The following SLC2A13 variants were observed in gnomAD, a reference collection of about 807,000 sequenced individuals.
SLC2A13 encodes proton myo-inositol cotransporter.
In SLC2A13, 32 loss-of-function variants were observed where a neutral mutation model predicts 64.4. The observed-to-expected ratio is 0.50, with a 90% confidence interval of 0.37 to 0.67. The LOEUF (loss-of-function observed/expected upper bound fraction) is 0.67, where lower values mean the gene tolerates loss of function less well. Ranked by LOEUF, SLC2A13 falls within the 30% of genes least tolerant of loss-of-function variation. SLC2A13 has a pLI of 0.00. For synonymous variants in SLC2A13, 338 were observed against 327.1 expected (o/e 1.03, Z -0.36); for missense variants, 743 against 829.2 (o/e 0.90, Z 1.28).
chr12:39,991,057 G>T (rs1210501020), intron 3 of SLC2A13, among the ~76,000 whole-genome samples: 1 of 152,158 alleles, frequency 6.6e-6, no homozygotes, highest in Non-Finnish European at 1.5e-5. Flanking sequence ...CTGGTCCACA[G>T]AGAAGTTTCC....
intron 7 of SLC2A13, among the ~76,000 whole-genome samples, chr12:39,772,497 ATTTG>A (rs1337757150): frequency 6.6e-6 from 1 of 152,074 alleles, no homozygotes; most frequent in African/African-American, 2.4e-5. Context: ...TTACATTTGC[ATTTG>A]TTTAATTGTG....
intron 3 of SLC2A13, among the ~76,000 whole-genome samples, chr12:40,015,047 G>A (rs1364243819): frequency 1.3e-5 from 2 of 152,018 alleles, no homozygotes; most frequent in East Asian, 1.9e-4. Context: ...AATGAAGTAT[G>A]TGAAAGAATT....
chr12:39,892,907 T>C (rs990860504), intron 4 of SLC2A13, among the ~76,000 whole-genome samples: 34 of 152,298 alleles, frequency 2.2e-4, no homozygotes, highest in African/African-American at 7.9e-4. Context: ...AACACTGTCA[T>C]GTTAGCAAAG....
intron 3 of SLC2A13, among the ~76,000 whole-genome samples, chr12:40,027,463 A>G (rs1947833073): frequency 6.6e-6 from 1 of 152,230 alleles, no homozygotes; most frequent in Non-Finnish European, 1.5e-5. Context: ...CAGCTTCTTC[A>G]GAGTGTTCAT....
chr12:40,061,822 A>G (rs1044410956), intron 1 of SLC2A13, among the ~76,000 whole-genome samples: 10 of 152,082 alleles, frequency 6.6e-5, no homozygotes, highest in Non-Finnish European at 1.5e-4. Context: ...AAAAAAAAAA[A>G]GGAAATTTAA....
At chr12:39,773,970 A>C (rs933367830) in intron 7 of SLC2A13, among the ~76,000 whole-genome samples, 1 of 152,150 alleles carries the variant, frequency 6.6e-6, no homozygotes, top group Admixed American at 6.5e-5. Flanking sequence ...GCACGATTTT[A>C]TTTCCAGTTC....
chr12:39,798,324 G>A lies in SLC2A13; in HGVS notation c.1445+31779C>T, dbSNP rs111499232. Reference sequence around the variant, plus strand: ...CCTGGATTTGTGACCCAGAGAAACTGAGTGAGACATAAATGTTCATTGTTT... The same window carrying A: ...CCTGGATTTGTGACCCAGAGAAACTAAGTGAGACATAAATGTTCATTGTTT... On this transcript the variant is annotated intron_variant, in intron 7 of 9. Coordinates refer to ENST00000280871, the MANE Select transcript of SLC2A13 (RefSeq NM_052885.4). 6.8e-4 allele frequency among the ~76,000 whole-genome samples: 103 copies of A among 152,290 alleles called. 1 individual carries two copies. The highest frequency in any genetic ancestry group is 2.3e-3 in the African/African-American group (95 of 41,574).
At chr12:40,071,421 A>G (rs903328957) in intron 1 of SLC2A13, among the ~76,000 whole-genome samples, 2 of 152,150 alleles carry the variant, frequency 1.3e-5, no homozygotes, top group African/African-American at 4.8e-5. Context: ...ATTCAATTTT[A>G]TAATATTTTA....
intron 4 of SLC2A13, among the ~76,000 whole-genome samples, chr12:39,911,307 G>A (rs1230448363): frequency 1.3e-5 from 2 of 151,990 alleles, no homozygotes; most frequent in Admixed American, 6.5e-5. Flanking sequence ...GCTGGCTTTG[G>A]AATACCACCA....
At chr12:39,914,819 G>A (rs1044821073) in intron 4 of SLC2A13, among the ~76,000 whole-genome samples, 8 of 151,824 alleles carry the variant, frequency 5.3e-5, no homozygotes, top group Non-Finnish European at 1.0e-4. Context: ...TTTAATACCT[G>A]AATATATAAG....
At chr12:39,994,455 G>C (rs1409363714) in intron 3 of SLC2A13, among the ~76,000 whole-genome samples, 1 of 150,500 alleles carries the variant, frequency 6.6e-6, no homozygotes, top group Non-Finnish European at 1.5e-5. Flanking sequence ...ACATACATAT[G>C]TGTGTGCATA....
chr12:39,881,782 G>A (rs1472050401), intron 4 of SLC2A13, among the ~76,000 whole-genome samples: 2 of 152,080 alleles, frequency 1.3e-5, no homozygotes, highest in African/African-American at 4.8e-5. Flanking sequence ...TGAAAAGAGG[G>A]GCAAGAAATG....
intron 4 of SLC2A13, among the ~76,000 whole-genome samples, chr12:39,924,332 A>G (rs1192555715): frequency 6.6e-6 from 1 of 152,182 alleles, no homozygotes; most frequent in Non-Finnish European, 1.5e-5. Context: ...TCATTTAGCA[A>G]GCTAGGAGGA....
Position 39,954,432 on chromosome 12 carries a change from G to C in SLC2A13, c.926-3067C>G, listed in dbSNP as rs1018079570. ...AGTACTGATCAGTGTAGGTGTGTGA[G>C]GAAACAACCCAAGACAGGGGAAAGA... On this transcript the variant is annotated intron_variant, in intron 3 of 9. Coordinates refer to ENST00000280871, the MANE Select transcript of SLC2A13 (RefSeq NM_052885.4). Among the ~76,000 whole-genome samples the C allele has an allele frequency of 2.6e-5, 4 of 152,174 alleles. No homozygotes were observed. In the Middle Eastern group the frequency reaches 0.01, roughly 388 times the overall value.
At chr12:39,994,150 G>A (rs1947185209) in intron 3 of SLC2A13, among the ~76,000 whole-genome samples, 1 of 152,060 alleles carries the variant, frequency 6.6e-6, no homozygotes, top group African/African-American at 2.4e-5. Flanking sequence ...AGCACTTCGG[G>A]AGGCTGAGGT....
At chr12:40,078,341 T>C (rs1938261030) in intron 1 of SLC2A13, among the ~76,000 whole-genome samples, 1 of 152,136 alleles carries the variant, frequency 6.6e-6, no homozygotes, top group Non-Finnish European at 1.5e-5. Context: ...CCTACTTTGT[T>C]GAGGGTTTTT....
chr12:40,054,879 TTCTTAGTAGCACA>T (rs1474959151), intron 1 of SLC2A13, among the ~76,000 whole-genome samples: 1 of 152,206 alleles, frequency 6.6e-6, no homozygotes. Flanking sequence ...ACTAATTAGC[TTCTTAGTAGCACA>T]TGAAGCTACC....
chr12:39,950,944 A>C, intron 4 of SLC2A13: 1 of 352,298 alleles, frequency 2.8e-6, no homozygotes, highest in East Asian at 4.4e-5. Flanking sequence ...CTTTCCAACC[A>C]GCATCAAGAA....
In SLC2A13 at chr12:40,034,918, C is replaced by A. The variant is rs1053957493; in HGVS notation, c.717-6409G>T. 2.0e-5 allele frequency among the ~76,000 whole-genome samples: 3 copies of A among 152,110 alleles called. No individual in the cohort carries two copies. The East Asian group carries it at 5.8e-4, about 29-fold the overall frequency. On this transcript the variant is annotated intron_variant, in intron 2 of 9. Coordinates refer to ENST00000280871, the MANE Select transcript of SLC2A13 (RefSeq NM_052885.4). ...ATATCTCCTGAATGTATGTTAAATG[C>A]CAAGCACTACAGCTAATCACTGAGC...
Sources: allele counts gnomAD v4.1 joint callset (sites outside exome capture counted in the v4.1 genomes callset), GRCh38; gene constraint gnomAD v4.1.1; transcripts MANE v1.5; gene names NCBI Gene and HGNC (gene_info 2026-07-23, HGNC 2026-07-21).